The following USP37 variants were observed in gnomAD, a reference collection of about 807,000 sequenced individuals.
USP37 encodes the protein ubiquitin carboxyl-terminal hydrolase 37.
Under a neutral mutation model 124.0 loss-of-function variants are expected in USP37, and 27 were observed. The ratio of observed to expected loss-of-function variants is 0.22; its 90% confidence interval spans 0.16 to 0.30. The LOEUF (loss-of-function observed/expected upper bound fraction) is 0.30. USP37 is among the 10% of genes least tolerant of loss of function. USP37 has a pLI of 1.00. For missense variants in USP37, 889 were observed against 1,140.4 expected, an observed-to-expected ratio of 0.78 and a Z score of 3.17; for synonymous variants, 365 against 388.0, an observed-to-expected ratio of 0.94 and a Z score of 0.70.
intron 20 of USP37, among the ~76,000 whole-genome samples, chr2:218,466,745 A>G (rs1690347781): frequency 6.6e-6 from 1 of 151,764 alleles, no homozygotes; most frequent in Non-Finnish European, 1.5e-5. Flanking sequence ...TCTTTTTTTT[A>G]TTTTTTGGGG....
intron 8 of USP37, among the ~76,000 whole-genome samples, chr2:218,538,377 A>G (rs1691776176): frequency 6.6e-6 from 1 of 152,178 alleles, no homozygotes; most frequent in African/African-American, 2.4e-5. Flanking sequence ...GGAAGATTGG[A>G]AAGAAATGAT....
At chr2:218,485,087 C>G (rs1480548238) in intron 16 of USP37, among the ~76,000 whole-genome samples, 2 of 152,050 alleles carry the variant, frequency 1.3e-5, no homozygotes, top group Non-Finnish European at 2.9e-5. Context: ...GTGTATGTGT[C>G]TATAGCAGGT....
chr2:218,534,554 T>C, intron 9 of USP37, 55 bp downstream of exon 9: 2 of 1,053,280 alleles, frequency 1.9e-6, no homozygotes, highest in Admixed American at 2.7e-5. Context: ...TTATTTCTAA[T>C]CTAATAAATA....
At chr2:218,513,327 C>A (rs1486532641) in intron 10 of USP37, among the ~76,000 whole-genome samples, 2 of 152,104 alleles carry the variant, frequency 1.3e-5, no homozygotes, top group Non-Finnish European at 2.9e-5. Flanking sequence ...CAACCATGCC[C>A]AGTCTAGAAA....
At chr2:218,529,837 C>T in intron 10 of USP37, 119 bp downstream of exon 10, 1 of 742,314 alleles carries the variant, frequency 1.3e-6, no homozygotes, top group Non-Finnish European at 2.1e-6. Context: ...TGAGTCTCGT[C>T]AATTTTGTTA....
chr2:218,526,982 G>A (rs533565526), intron 10 of USP37, among the ~76,000 whole-genome samples: 11 of 151,682 alleles, frequency 7.3e-5, no homozygotes, highest in Admixed American at 4.6e-4. Flanking sequence ...TAGAGACGGG[G>A]TTTCACCGTG....
At chr2:218,491,754 G>A (rs1022399499) in intron 14 of USP37, among the ~76,000 whole-genome samples, 2 of 152,184 alleles carry the variant, frequency 1.3e-5, no homozygotes, top group African/African-American at 4.8e-5. Context: ...CATACAGTAT[G>A]TTAGATAGTG....
At position 218,488,296 on chromosome 2, in the gene USP37, T is replaced by C. The variant is rs757511086; in HGVS notation, c.1590+8A>G. The C allele has an allele frequency of 6.5e-7, 1 of 1,533,894 alleles. No homozygotes were observed. Among genetic ancestry groups the C allele is most frequent in the South Asian group, 1.2e-5 (1 of 84,032 alleles). ...TAGTTATGTGAAAATACAAAAGATATTATTTACCCTAAAGAAAAGATCAAG... is the reference window on the plus strand; with the variant it reads ...TAGTTATGTGAAAATACAAAAGATACTATTTACCCTAAAGAAAAGATCAAG... On this transcript the variant is annotated splice_region_variant and intron_variant, in intron 15 of 25. Coordinates refer to ENST00000258399, the MANE Select transcript of USP37 (RefSeq NM_020935.3).
At chr2:218,562,316 T>C (rs1014000470) in intron 2 of USP37, among the ~76,000 whole-genome samples, 1 of 152,176 alleles carries the variant, frequency 6.6e-6, no homozygotes, top group African/African-American at 2.4e-5. Flanking sequence ...ATTGTCTTAT[T>C]AAAGCAAAAA....
At chr2:218,562,845 G>T (rs558380557) in intron 1 of USP37, 32 bp from the exon 2 acceptor site, 23 of 397,830 alleles carry the variant, frequency 5.8e-5, no homozygotes, top group Admixed American at 1.8e-4. Context: ...TTTTTAAAAA[G>T]AACCCAATAT....
chr2:218,462,993 C>A (rs1559162040), intron 22 of USP37, among the ~76,000 whole-genome samples: 1 of 152,054 alleles, frequency 6.6e-6, no homozygotes, highest in Non-Finnish European at 1.5e-5. Context: ...CATGGTGAAA[C>A]CCCGTCTCTA....
At chr2:218,489,697 C>A (rs1312526142) in intron 14 of USP37, among the ~76,000 whole-genome samples, 1 of 151,964 alleles carries the variant, frequency 6.6e-6, no homozygotes, top group Non-Finnish European at 1.5e-5. Context: ...CCAGGCCAGT[C>A]TGGAACTCCT....
chr2:218,491,044 T>A (rs1288817398), intron 14 of USP37, among the ~76,000 whole-genome samples: 2 of 152,152 alleles, frequency 1.3e-5, no homozygotes. Flanking sequence ...TGGCTATTTT[T>A]AAACTTTTTG....
chr2:218,549,269 A>G (rs1201078591), intron 6 of USP37, among the ~76,000 whole-genome samples: 6 of 152,068 alleles, frequency 3.9e-5, no homozygotes, highest in African/African-American at 1.2e-4. Flanking sequence ...AAAGAACCTG[A>G]CAAAAATGAA....
Position 218,495,872 on chromosome 2 carries a change from C to T in USP37, c.1360G>A (p.Glu454Lys). ...MEKLNKTWKT[E>K]PVSGEENSPD... ...GAATTTTCTTCTCCAGAAACAGGTT[C>T]AGTCTTCCAAGTTTTATTTAATTTT... is the stretch of plus-strand genomic sequence containing the variant. The change falls in exon 14 of 26, where the codon GAA becomes AAA. Residue 454 changes from glutamate to lysine, a missense_variant. Physicochemically the swap from Glu to Lys is moderately conservative, Grantham distance 56. Around this residue, in one of 3 missense-constraint regions of USP37, gnomAD observed 504 missense variants for 714.3 expected, o/e 0.71. Transcript: ENST00000258399. The T allele has an allele frequency of 1.2e-6, 2 of 1,613,950 alleles. No homozygotes were observed. Among genetic ancestry groups the T allele is most frequent in the Non-Finnish European group, 1.7e-6 (2 of 1,180,014 alleles).
At chr2:218,537,046 G>A (rs965544529) in intron 8 of USP37, among the ~76,000 whole-genome samples, 7 of 152,170 alleles carry the variant, frequency 4.6e-5, no homozygotes, top group African/African-American at 1.2e-4. Context: ...TAATGATGAC[G>A]TAATATAACT....
chr2:218,510,337 T>C (rs1285716448), intron 10 of USP37, among the ~76,000 whole-genome samples, 197 bp from the exon 11 acceptor site: 3 of 152,228 alleles, frequency 2.0e-5, no homozygotes, highest in Non-Finnish European at 2.9e-5. Context: ...GAGAGGGTTA[T>C]AATACAGAAC....
At chr2:218,488,480 T>G in intron 14 of USP37, 59 bp from the exon 15 acceptor site, 1 of 1,069,166 alleles carries the variant, frequency 9.4e-7, no homozygotes, top group Non-Finnish European at 1.4e-6. Flanking sequence ...AACACAAATA[T>G]ACCTGAGAAA....
At chr2:218,504,903 T>G (rs532046913) in intron 11 of USP37, among the ~76,000 whole-genome samples, 1 of 152,236 alleles carries the variant, frequency 6.6e-6, no homozygotes, top group East Asian at 1.9e-4. Flanking sequence ...TTTTAAATGG[T>G]ATCCTTTGAC....
Sources: allele counts gnomAD v4.1 joint callset (sites outside exome capture counted in the v4.1 genomes callset), GRCh38; gene constraint gnomAD v4.1.1; regional missense constraint gnomAD v4.1.1; transcripts MANE v1.5; gene names NCBI Gene and HGNC (gene_info 2026-07-23, HGNC 2026-07-21).